The following ZNF41 variants were observed in gnomAD, a reference collection of about 807,000 sequenced individuals.
The protein encoded by ZNF41 is zinc finger protein 41.
Under a neutral mutation model 9.3 loss-of-function variants are expected in ZNF41, and 6 were observed. That is an observed-to-expected ratio of 0.65 (90% CI 0.35 to 1.28). The LOEUF is 1.28. ZNF41 is among the 50% of genes most tolerant of loss of function. The pLI, the probability that ZNF41 is intolerant of heterozygous loss-of-function variation, is 0.03. For synonymous variants in ZNF41, 192 were observed against 207.1 expected, an observed-to-expected ratio of 0.93 and a Z score of 0.63; for missense variants, 523 against 585.8, an observed-to-expected ratio of 0.89 and a Z score of 1.11.
At chrX:47,463,503 G>A (rs754911465) in intron 2 of ZNF41, among the ~76,000 whole-genome samples, 19 of 111,067 alleles carry the variant, frequency 1.7e-4, no homozygotes, top group African/African-American at 4.9e-4. Context: ...ATGGGCCCTC[G>A]GGCTGTTAAC....
chrX:47,450,626 C>T (rs2056329111), intron 4 of ZNF41, among the ~76,000 whole-genome samples: 1 of 112,106 alleles, frequency 8.9e-6, no homozygotes. Context: ...TCTATTCTCC[C>T]CTTCTTTTAC....
At chrX:47,473,041 A>C (rs925886048) in intron 1 of ZNF41, among the ~76,000 whole-genome samples, 1 of 106,132 alleles carries the variant, frequency 9.4e-6, no homozygotes, top group African/African-American at 3.5e-5. Context: ...ATTTTTTTTT[A>C]GAGACAGGGT....
At chrX:47,455,393 T>C (rs1184021414) in intron 4 of ZNF41, among the ~76,000 whole-genome samples, 2 of 109,335 alleles carry the variant, frequency 1.8e-5, no homozygotes, top group East Asian at 5.7e-4. Context: ...GAGTCCAGCC[T>C]GGCCAACATG....
rs1261509418 is a variant in ZNF41 at position 47,447,161 on chromosome X, T to A, written c.*269A>T. On this transcript the variant is annotated 3_prime_UTR_variant, in exon 5 of 5. Coordinates refer to ENST00000684689, the MANE Select transcript of ZNF41 (RefSeq NM_001324144.2). Reference sequence around the variant, plus strand: ...TTTCCAGGAGCTCAAGAGGTCTGTATGAATCATGTCACCAAACATGACTTT... The same window carrying A: ...TTTCCAGGAGCTCAAGAGGTCTGTAAGAATCATGTCACCAAACATGACTTT... 1 of 382,450 alleles carries A rather than the reference T, an allele frequency of 2.6e-6. No homozygotes were observed. Among genetic ancestry groups the A allele is most frequent in the African/African-American group, 2.5e-5 (1 of 39,229 alleles). 31.5% of individuals were successfully genotyped at this position (382,450 alleles called of 1,213,427 possible). A position where few individuals can be genotyped will look rare whatever the true frequency, so the allele number is the denominator to read the frequency against.
chrX:47,476,155 C>A (rs2057327587), intron 1 of ZNF41, among the ~76,000 whole-genome samples: 1 of 110,967 alleles, frequency 9.0e-6, no homozygotes, highest in Admixed American at 9.7e-5. Flanking sequence ...GAGCTCGAGA[C>A]CAGCCTGGCT....
rs1011821400 is a variant in ZNF41, at chrX:47,467,151, A to G, written c.72+259T>C. Among the ~76,000 whole-genome samples, 4 of 111,778 alleles carry G rather than the reference A, an allele frequency of 3.6e-5. No homozygotes were observed. The South Asian group carries it at 1.1e-3, about 31-fold the overall frequency. On this transcript the variant is annotated intron_variant, in intron 2 of 4. Coordinates refer to ENST00000684689, the MANE Select transcript of ZNF41 (RefSeq NM_001324144.2). ...CCCCACTCCCTAGGCTGTAGGGCTC[A>G]CCTTCCACATTCTCCCTCTCCTCTA...
At chrX:47,469,642 G>A (rs903989674) in intron 1 of ZNF41, among the ~76,000 whole-genome samples, 1 of 111,961 alleles carries the variant, frequency 8.9e-6, no homozygotes, top group Non-Finnish European at 1.9e-5. Flanking sequence ...CACTTTGGGA[G>A]GCCAAGGCGA....
rs761633660 is a variant in ZNF41 at position 47,467,224 on chromosome X, G to C, written c.72+186C>G. 8.3e-6 allele frequency: 8 copies of C among 965,231 alleles called. No homozygotes were observed. The Admixed American group carries it at 2.2e-4, about 26-fold the overall frequency. 79.5% of individuals were successfully genotyped at this position (965,231 alleles called of 1,213,427 possible). A position where few individuals can be genotyped will look rare whatever the true frequency, so the allele number is the denominator to read the frequency against. On this transcript the variant is annotated intron_variant, in intron 2 of 4. Transcript: ENST00000684689. The stretch of plus-strand genomic sequence containing the variant: ...GTCCACTGAAACACACGGGGCTTTG[G>C]ATGTGGCCTCATCAGCCAAGTGGTG...
chrX:47,453,879 C>T (rs2056452386), intron 4 of ZNF41, among the ~76,000 whole-genome samples: 2 of 111,163 alleles, frequency 1.8e-5, no homozygotes, highest in Admixed American at 9.7e-5. Context: ...CGAGACCAGC[C>T]TGGCCAACAT....
rs1348473187 is a variant in ZNF41, at chrX:47,461,710, CT to C, written c.73-5313del. On this transcript the variant is annotated intron_variant, in intron 2 of 4. Coordinates refer to ENST00000684689, the MANE Select transcript of ZNF41 (RefSeq NM_001324144.2). ...AGGTGTGAGCCACTGTGCCTGGCCT[CT>C]TTTTTTACTTTTTTGAGATAGGATC... Among the ~76,000 whole-genome samples, 3 of 107,343 alleles carry C rather than the reference CT, an allele frequency of 2.8e-5. No homozygotes were observed. The East Asian group carries it at 8.8e-4, about 32-fold the overall frequency. The allele number at this position is 107,343 out of a possible 115,157, so 93.2% of individuals were successfully genotyped here.
At chrX:47,466,531 C>A (rs1459774938) in intron 2 of ZNF41, among the ~76,000 whole-genome samples, 2 of 96,068 alleles carry the variant, frequency 2.1e-5, no homozygotes, top group Non-Finnish European at 4.3e-5. Context: ...GCATTTTATT[C>A]ATCTTTTTTT....
intron 1 of ZNF41, among the ~76,000 whole-genome samples, chrX:47,472,710 T>C (rs1341206921): frequency 9.1e-6 from 1 of 110,038 alleles, no homozygotes; most frequent in Non-Finnish European, 1.9e-5. Context: ...GAAAGACACA[T>C]GGCTTCTTTA....
intron 1 of ZNF41, among the ~76,000 whole-genome samples, chrX:47,481,434 T>C (rs1360155673): frequency 2.7e-5 from 3 of 111,071 alleles, no homozygotes; most frequent in Non-Finnish European, 5.7e-5. Flanking sequence ...GAGATTCTTG[T>C]ATCTTTAAAA....
chrX:47,472,457 T>G (rs2057219688), intron 1 of ZNF41, among the ~76,000 whole-genome samples: 1 of 80,337 alleles, frequency 1.2e-5, no homozygotes, highest in African/African-American at 4.6e-5. Context: ...TTTTTTTTTT[T>G]GAGACAGAGT....
chrX:47,478,684 G>A (rs2057399608), intron 1 of ZNF41, among the ~76,000 whole-genome samples: 1 of 111,315 alleles, frequency 9.0e-6, no homozygotes, highest in African/African-American at 3.3e-5. Flanking sequence ...AGTGGATCAT[G>A]CCTGTAGTCC....
At chrX:47,469,231 A>G (rs1242873882) in intron 1 of ZNF41, among the ~76,000 whole-genome samples, 1 of 95,610 alleles carries the variant, frequency 1.0e-5, no homozygotes, top group Non-Finnish European at 2.1e-5. Context: ...GAATGGCGTG[A>G]ACCCGGGAGG....
rs1352801656 is a variant in ZNF41, at chrX:47,467,521, A to G, written c.-40T>C. The G allele has an allele frequency of 4.3e-6, 5 of 1,165,274 alleles. No individual in the cohort carries two copies. The Admixed American group carries it at 1.3e-4, about 30-fold the overall frequency. ...TCAGCCCTCAGGCTCTCCTGCTGAC[A>G]ACCCCACTCTTCCCCAAGCTGGAAG... On this transcript the variant is annotated 5_prime_UTR_variant, in exon 2 of 5. Transcript: ENST00000684689.
chrX:47,480,161 G>A (rs1204453433), intron 1 of ZNF41, among the ~76,000 whole-genome samples: 1 of 111,367 alleles, frequency 9.0e-6, no homozygotes, highest in Admixed American at 9.6e-5. Context: ...AAGAAAGCAA[G>A]GGGGACTAGT....
chrX:47,455,544 C>G (rs1248749227), intron 4 of ZNF41, among the ~76,000 whole-genome samples: 1 of 111,162 alleles, frequency 9.0e-6, no homozygotes, highest in East Asian at 2.8e-4. Context: ...AAGATCATGT[C>G]ACTGCACTCC....
Sources: allele counts gnomAD v4.1 joint callset (sites outside exome capture counted in the v4.1 genomes callset), GRCh38; gene constraint gnomAD v4.1.1; transcripts MANE v1.5; gene names NCBI Gene and HGNC (gene_info 2026-07-23, HGNC 2026-07-21).